Variants in CCDC172 observed in about 807,000 individuals in gnomAD.
CCDC172 encodes the protein coiled-coil domain-containing protein 172.
Under a neutral mutation model 38.0 loss-of-function variants are expected in CCDC172, and 30 were observed. The ratio of observed to expected loss-of-function variants is 0.79; its 90% CI spans 0.59 to 1.07. The LOEUF (loss-of-function observed/expected upper bound fraction) is 1.07. CCDC172 is among the 50% of genes least tolerant of loss of function. The pLI, the probability that CCDC172 is intolerant of heterozygous loss-of-function variation, is 0.00. For synonymous variants in CCDC172, 78 were observed against 88.3 expected (o/e 0.88, Z 0.66); for missense variants, 297 against 290.1 (o/e 1.02, Z -0.17).
At chr10:116,365,817 T>G (rs1367082346) in intron 7 of CCDC172, among the ~76,000 whole-genome samples, 2 of 152,198 alleles carry the variant, frequency 1.3e-5, no homozygotes, top group African/African-American at 4.8e-5. Context: ...TTTCTATGTT[T>G]AGATACACAC....
intron 5 of CCDC172, among the ~76,000 whole-genome samples, chr10:116,346,956 A>G (rs10885912): frequency 0.33 from 49,477 of 152,088 alleles, 9,324 homozygotes; most frequent in Non-Finnish European, 0.43. Flanking sequence ...GAGAACATAT[A>G]TAAGTAGACT....
chr10:116,378,395 T>G (rs770757219), intron 7 of CCDC172, 28 bp from the exon 8 acceptor site: 12 of 1,564,844 alleles, frequency 7.7e-6, no homozygotes, highest in Non-Finnish European at 1.0e-5. Context: ...ATTATTAAAC[T>G]AACAGGTGAA....
At chr10:116,366,006 C>T (rs929951341) in intron 7 of CCDC172, among the ~76,000 whole-genome samples, 19 of 152,242 alleles carry the variant, frequency 1.2e-4, no homozygotes, top group African/African-American at 4.6e-4. Flanking sequence ...CCTAACTATG[C>T]ATTTCTCACA....
In CCDC172 at chr10:116,324,988, G is replaced by A. The variant is rs1844571871; in HGVS notation, c.-24G>A. ...TATAAAATATTTAAGGGCGAGAAAA[G>A]GATCGCAGGAGCCAGGCCCTGAGAT... is the stretch of plus-strand genomic sequence containing the variant. On this transcript the variant is annotated 5_prime_UTR_variant, in exon 2 of 9. Transcript: ENST00000333254. 1.9e-6 allele frequency: 3 copies of A among 1,593,114 alleles called. No individual in the cohort carries two copies. The African/African-American group carries it at 4.0e-5, about 21-fold the overall frequency.
chr10:116,345,845 T>C (rs1844859301), intron 5 of CCDC172, among the ~76,000 whole-genome samples: 1 of 152,166 alleles, frequency 6.6e-6, no homozygotes, highest in Non-Finnish European at 1.5e-5. Flanking sequence ...ATGGTAGTGA[T>C]GGGAATGTAA....
chr10:116,360,170 G>T (rs1292954250), intron 7 of CCDC172, among the ~76,000 whole-genome samples: 1 of 152,172 alleles, frequency 6.6e-6, no homozygotes, highest in Non-Finnish European at 1.5e-5. Flanking sequence ...CCATAGGTTA[G>T]GTTAATTTAT....
At chr10:116,356,388 G>GAGGAAGGA (rs542807297) in intron 5 of CCDC172, among the ~76,000 whole-genome samples, 37 of 144,172 alleles carry the variant, frequency 2.6e-4, no homozygotes, top group East Asian at 1.3e-3. Context: ...GGGAGGGAGG[G>GAGGAAGGA]AGGAAGGAAG....
chr10:116,378,368 T>C, intron 7 of CCDC172, 55 bp from the exon 8 acceptor site: 1 of 1,504,850 alleles, frequency 6.6e-7, no homozygotes, highest in South Asian at 1.3e-5. Context: ...CTCTGTGCAG[T>C]AATACAATTA....
chr10:116,357,796 T>C, intron 6 of CCDC172, 40 bp from the exon 7 acceptor site: 1 of 1,079,680 alleles, frequency 9.3e-7, no homozygotes, highest in Non-Finnish European at 1.4e-6. Flanking sequence ...TCTTTATGTT[T>C]AATTTTCAAA....
At position 116,357,952 on chromosome 10, in the gene CCDC172, G is replaced by A. The variant is rs1348050460; in HGVS notation, c.653+14G>A. The A allele has an allele frequency of 2.7e-6, 4 of 1,460,546 alleles. No homozygotes were observed. The South Asian group carries it at 4.8e-5, about 17-fold the overall frequency. 90.5% of individuals were successfully genotyped at this position (1,460,546 alleles called of 1,614,324 possible). A position where few individuals can be genotyped will look rare whatever the true frequency, so the allele number is the denominator to read the frequency against. On this transcript the variant is annotated intron_variant, in intron 7 of 8. Transcript: ENST00000333254. ...AGAATGCTTAAGGTAAGAGTTTCCT[G>A]TTATATTTTGGCCTAAATCAGGTAA...
At chr10:116,378,844 C>T (rs1304272995) in intron 8 of CCDC172, among the ~76,000 whole-genome samples, 1 of 152,128 alleles carries the variant, frequency 6.6e-6, no homozygotes, top group Non-Finnish European at 1.5e-5. Context: ...ATTTAACTAT[C>T]ATAATGCCTT....
rs1194762974 is a variant in CCDC172 at position 116,326,231 on chromosome 10, T to C, written c.165+843T>C. ...GCCTGGGCAACATAGTGAGACCCTG[T>C]CTTTAAAAATAAAAGGTAGTTTTAG... On this transcript the variant is annotated intron_variant, in intron 3 of 8. Transcript: ENST00000333254. Among the ~76,000 whole-genome samples the C allele has an allele frequency of 2.0e-5, 3 of 152,188 alleles. No individual in the cohort carries two copies. The East Asian group carries it at 5.8e-4, about 29-fold the overall frequency.
intron 7 of CCDC172, among the ~76,000 whole-genome samples, chr10:116,364,356 T>A (rs746436728): frequency 2.0e-5 from 3 of 152,190 alleles, no homozygotes; most frequent in Admixed American, 6.6e-5. Context: ...TATACATGCT[T>A]AGATATATTT....
intron 8 of CCDC172, 143 bp downstream of exon 8, chr10:116,378,653 T>C (rs1186989475): frequency 3.1e-6 from 2 of 653,368 alleles, no homozygotes; most frequent in Non-Finnish European, 5.2e-6. Context: ...ATAACTAGGA[T>C]CAGGATGTAA....
intron 7 of CCDC172, among the ~76,000 whole-genome samples, chr10:116,376,615 A>G (rs1845248763): frequency 1.3e-5 from 2 of 152,188 alleles, no homozygotes; most frequent in Admixed American, 6.5e-5. Flanking sequence ...GAGCACATTT[A>G]TAATCATCAA....
chr10:116,359,901 T>A (rs1312346034), intron 7 of CCDC172, among the ~76,000 whole-genome samples: 1 of 152,226 alleles, frequency 6.6e-6, no homozygotes, highest in Non-Finnish European at 1.5e-5. Flanking sequence ...TTTGTTGGAA[T>A]CTATCTTGAT....
chr10:116,364,419 C>T (rs1845099175), intron 7 of CCDC172, among the ~76,000 whole-genome samples: 1 of 151,864 alleles, frequency 6.6e-6, no homozygotes, highest in Admixed American at 6.6e-5. Context: ...AATGTTTATG[C>T]CATTTGACCC....
At chr10:116,362,053 G>A (rs1358054123) in intron 7 of CCDC172, among the ~76,000 whole-genome samples, 2 of 152,108 alleles carry the variant, frequency 1.3e-5, no homozygotes, top group Non-Finnish European at 2.9e-5. Context: ...AGCCGGGCGT[G>A]GTGGCAGGCA....
chr10:116,369,992 T>G (rs1445079124), intron 7 of CCDC172, among the ~76,000 whole-genome samples: 1 of 151,966 alleles, frequency 6.6e-6, no homozygotes, highest in Non-Finnish European at 1.5e-5. Context: ...GAACCATTTG[T>G]AAATTGTTTT....
Sources: allele counts gnomAD v4.1 joint callset (sites outside exome capture counted in the v4.1 genomes callset), GRCh38; gene constraint gnomAD v4.1.1; transcripts MANE v1.5; gene names NCBI Gene and HGNC (gene_info 2026-07-23, HGNC 2026-07-21).